Variants in MYO3A observed in about 807,000 individuals in gnomAD.
MYO3A encodes the protein myosin IIIA, also known as myosin-IIIa.
In MYO3A, 180 loss-of-function variants were observed where a neutral mutation model predicts 192.7. The observed-to-expected ratio is 0.93, with a 90% confidence interval of 0.83 to 1.06. MYO3A has a LOEUF of 1.06. MYO3A is among the 50% of genes least tolerant of loss of function. The probability of loss-of-function intolerance (pLI) is 0.00; values close to 1 mark genes in which losing one functional copy is unlikely to be tolerated. For synonymous variants in MYO3A, 628 were observed against 645.3 expected, an observed-to-expected ratio of 0.97 and a Z score of 0.41; for missense variants, 1,896 against 1,905.0, an observed-to-expected ratio of 1.00 and a Z score of 0.09.
At chr10:26,044,939 C>T (rs1449525967) in intron 10 of MYO3A, among the ~76,000 whole-genome samples, 1 of 152,224 alleles carries the variant, frequency 6.6e-6, no homozygotes, top group Non-Finnish European at 1.5e-5. Flanking sequence ...TGCAGAAGGG[C>T]ATGGCATGCC....
chr10:25,988,392 A>T (rs190653711), intron 4 of MYO3A, among the ~76,000 whole-genome samples: 3 of 152,208 alleles, frequency 2.0e-5, no homozygotes, highest in Admixed American at 1.3e-4. Context: ...AAAATAAAAT[A>T]AAAAAATAGA....
rs1842196091 is a variant in MYO3A, at chr10:26,174,194, T to C, written c.3930T>C (p.Val1310=). ...SMEKEKKTSV[V]TQRAPICSQE... ...AAAAAGAAAAGAAGACATCTGTAGT[T>C]ACCCAGCGTGCACCGATATGCAGCC... The change falls in exon 30 of 35, where the codon GTT becomes GTC. Residue 1310 remains valine, a synonymous_variant. Transcript: ENST00000642920. 6.2e-7 allele frequency: 1 copy of C among 1,614,030 alleles called. No homozygotes were observed. Among genetic ancestry groups the C allele is most frequent in the African/African-American group, 1.3e-5 (1 of 74,898 alleles).
chr10:26,142,067 A>G (rs1165800247), intron 20 of MYO3A, among the ~76,000 whole-genome samples: 1 of 152,160 alleles, frequency 6.6e-6, no homozygotes, highest in African/African-American at 2.4e-5. Flanking sequence ...ATTTCAAATT[A>G]TATTTGAACT....
At chr10:26,182,282 TAG>T in intron 31 of MYO3A, among the ~76,000 whole-genome samples, 1 of 152,222 alleles carries the variant, frequency 6.6e-6, no homozygotes, top group East Asian at 1.9e-4. Flanking sequence ...GTGGTAAGAC[TAG>T]AGTGTCATCT....
At chr10:26,044,262 G>A (rs1171850373) in intron 10 of MYO3A, among the ~76,000 whole-genome samples, 2 of 152,202 alleles carry the variant, frequency 1.3e-5, no homozygotes, top group Admixed American at 1.3e-4. Flanking sequence ...TTGGAGCTGT[G>A]AGCTGTGCAG....
At chr10:26,072,701 T>TTAA (rs112516181) in intron 14 of MYO3A, among the ~76,000 whole-genome samples, 5 of 149,814 alleles carry the variant, frequency 3.3e-5, no homozygotes, top group Admixed American at 6.6e-5. Flanking sequence ...TCTATGTTTA[T>TTAA]AAAAAAAAAA....
chr10:25,937,459 C>T (rs1030071930), intron 2 of MYO3A, among the ~76,000 whole-genome samples: 3 of 152,166 alleles, frequency 2.0e-5, no homozygotes, highest in South Asian at 2.1e-4. Context: ...TTGCAATTTA[C>T]GAAACAGTTC....
At chr10:25,975,048 G>GA (rs1404240364) in intron 4 of MYO3A, among the ~76,000 whole-genome samples, 1 of 152,030 alleles carries the variant, frequency 6.6e-6, no homozygotes, top group African/African-American at 2.4e-5. Flanking sequence ...GGGAGGGAAG[G>GA]ATAAGACAGG....
chr10:26,059,433 G>A (rs1287668700), intron 10 of MYO3A, among the ~76,000 whole-genome samples: 1 of 152,108 alleles, frequency 6.6e-6, no homozygotes, highest in Non-Finnish European at 1.5e-5. Flanking sequence ...TGCATCTATT[G>A]ATATGATCAT....
rs1843480319 is a variant in MYO3A at position 26,197,703 on chromosome 10, AC to A, written c.4546-3561del. ...CTTAGCCTCCCAAGTAGCTAGGATT[AC>A]AGGCACCTGCTGCCATGCCCAGATA... On this transcript the variant is annotated intron_variant, in intron 32 of 34. Coordinates refer to ENST00000642920, the MANE Select transcript of MYO3A (RefSeq NM_017433.5). Among the ~76,000 whole-genome samples, 3 of 152,306 alleles carry A rather than the reference AC, an allele frequency of 2.0e-5. No homozygotes were observed. The South Asian group carries it at 6.2e-4, about 32-fold the overall frequency.
At chr10:25,993,953 T>C (rs1474574673) in intron 4 of MYO3A, among the ~76,000 whole-genome samples, 2 of 152,234 alleles carry the variant, frequency 1.3e-5, no homozygotes, top group East Asian at 1.9e-4. Context: ...AGTTTTGGCA[T>C]AGGTGCGGTG....
chr10:26,067,471 C>T (rs915954701), intron 11 of MYO3A, among the ~76,000 whole-genome samples: 2 of 152,120 alleles, frequency 1.3e-5, no homozygotes, highest in Non-Finnish European at 2.9e-5. Flanking sequence ...TTGTAACCAC[C>T]ATGTGGTGGC....
chr10:26,117,302 C>T (rs1394186903), intron 17 of MYO3A, among the ~76,000 whole-genome samples: 2 of 151,960 alleles, frequency 1.3e-5, no homozygotes, highest in African/African-American at 2.4e-5. Flanking sequence ...ACATCCTTAT[C>T]GAGGGTAAAA....
chr10:25,980,744 C>T (rs991141219), intron 4 of MYO3A, among the ~76,000 whole-genome samples: 2 of 151,986 alleles, frequency 1.3e-5, no homozygotes, highest in Admixed American at 6.6e-5. Flanking sequence ...ATTTTTTGAG[C>T]AGTTTAATTT....
intron 10 of MYO3A, among the ~76,000 whole-genome samples, chr10:26,059,234 G>A (rs1834315393): frequency 6.6e-6 from 1 of 152,146 alleles, no homozygotes; most frequent in African/African-American, 2.4e-5. Flanking sequence ...ATGAAAAGGA[G>A]TGTAGAGAGA....
Position 26,003,641 on chromosome 10 carries a change from T to C in MYO3A, c.508+6383T>C, listed in dbSNP as rs1211788389. Among the ~76,000 whole-genome samples the C allele has an allele frequency of 3.9e-5, 6 of 152,010 alleles. No individual in the cohort carries two copies. In the South Asian group the frequency reaches 6.2e-4, roughly 16 times the overall value. On this transcript the variant is annotated intron_variant, in intron 6 of 34. Coordinates refer to ENST00000642920, the MANE Select transcript of MYO3A (RefSeq NM_017433.5). The stretch of plus-strand genomic sequence containing the variant: ...ATCAATAATATGACTTCCCAGGAGA[T>C]AGATCCCTTCAGGCAAGTGAACTAA...
intron 4 of MYO3A, among the ~76,000 whole-genome samples, chr10:25,990,873 T>C (rs1839983053): frequency 6.6e-6 from 1 of 152,130 alleles, no homozygotes; most frequent in Non-Finnish European, 1.5e-5. Flanking sequence ...TAGTATTCCA[T>C]GCTGTATATG....
intron 10 of MYO3A, among the ~76,000 whole-genome samples, chr10:26,047,950 TG>T (rs1843728020): frequency 2.6e-5 from 4 of 152,270 alleles, no homozygotes; most frequent in Admixed American, 2.0e-4. Context: ...CTGTTTTCCC[TG>T]GGTGCCTTCA....
chr10:26,026,867 A>G (rs940449770), intron 10 of MYO3A, among the ~76,000 whole-genome samples: 62 of 152,052 alleles, frequency 4.1e-4, no homozygotes, highest in African/African-American at 1.5e-3. Flanking sequence ...ATGCCTGGCT[A>G]ATTTTTTGTA....
Sources: allele counts gnomAD v4.1 joint callset (sites outside exome capture counted in the v4.1 genomes callset), GRCh38; gene constraint gnomAD v4.1.1; transcripts MANE v1.5; gene names NCBI Gene and HGNC (gene_info 2026-07-23, HGNC 2026-07-21).